Variants in PARP4 observed in about 807,000 individuals in gnomAD.
The protein encoded by PARP4 is protein mono-ADP-ribosyltransferase PARP4.
Under a neutral mutation model 187.7 loss-of-function variants are expected in PARP4, and 120 were observed. The observed-to-expected ratio is 0.64, with a 90% CI of 0.55 to 0.74. The LOEUF (loss-of-function observed/expected upper bound fraction) is 0.74, where lower values mean the gene tolerates loss of function less well. Among genes scored for constraint, PARP4 ranks in the 30% least tolerant of loss-of-function variants. PARP4 has a pLI of 0.00. For missense variants in PARP4, 1,836 were observed against 2,070.5 expected (o/e 0.89, Z 2.20); for synonymous variants, 654 against 740.9 (o/e 0.88, Z 1.90).
intron 12 of PARP4, among the ~76,000 whole-genome samples, chr13:24,482,347 T>C (rs994263659): frequency 2.0e-5 from 3 of 152,224 alleles, no homozygotes; most frequent in Non-Finnish European, 4.4e-5. Context: ...GCAGCAGTGT[T>C]TGAGATAATT....
chr13:24,484,078 T>C (rs974485282), intron 12 of PARP4, among the ~76,000 whole-genome samples: 10 of 152,252 alleles, frequency 6.6e-5, no homozygotes, highest in African/African-American at 2.4e-4. Context: ...GTCTCCATCC[T>C]TTAATTAGCT....
intron 21 of PARP4, 45 bp from the exon 22 acceptor site, chr13:24,455,257 C>T (rs1217659049): frequency 6.9e-7 from 1 of 1,448,342 alleles, no homozygotes; most frequent in Non-Finnish European, 9.4e-7. Context: ...CTTGTCACTT[C>T]AACTGCAAAA....
At chr13:24,501,544 G>C in intron 3 of PARP4, 89 bp downstream of exon 3, 1 of 849,992 alleles carries the variant, frequency 1.2e-6, no homozygotes, top group Non-Finnish European at 1.9e-6. Context: ...AGTATTTCTG[G>C]ACAATTCTCT....
At chr13:24,458,909 CAG>C in intron 20 of PARP4, 133 bp downstream of exon 20, 1 of 671,636 alleles carries the variant, frequency 1.5e-6, no homozygotes, top group Non-Finnish European at 2.7e-6. Flanking sequence ...TGGGGAGAAT[CAG>C]GGGCAGGAGT....
chr13:24,476,840 A>C (rs183340323), intron 14 of PARP4, among the ~76,000 whole-genome samples: 25 of 152,196 alleles, frequency 1.6e-4, no homozygotes, highest in African/African-American at 5.5e-4. Flanking sequence ...CGCACCACAC[A>C]TGGCAATTTA....
chr13:24,481,624 C>T (rs541261667), intron 12 of PARP4, among the ~76,000 whole-genome samples: 8 of 152,226 alleles, frequency 5.3e-5, no homozygotes, highest in Admixed American at 2.0e-4. Context: ...ACCCAGGAGG[C>T]GGAGGTTGCA....
At chr13:24,443,534 C>CTT (rs1459273050) in intron 28 of PARP4, 116 bp downstream of exon 28, 1 of 692,694 alleles carries the variant, frequency 1.4e-6, no homozygotes, top group Non-Finnish European at 2.5e-6. Flanking sequence ...GATGAATGCC[C>CTT]TGACACCAGT....
chr13:24,500,471 T>A, intron 3 of PARP4, 89 bp from the exon 4 acceptor site: 1 of 772,988 alleles, frequency 1.3e-6, no homozygotes, highest in Non-Finnish European at 2.1e-6. Flanking sequence ...TTAAGATTCA[T>A]AAATATATCC....
rs572513022 is a variant in PARP4, at chr13:24,457,574, C to T, written c.2425-1096G>A. On this transcript the variant is annotated intron_variant, in intron 20 of 33. Coordinates refer to ENST00000381989, the MANE Select transcript of PARP4 (RefSeq NM_006437.4). ...ATCACCTGAGGTCAGGAGTTTGAGA[C>T]CAGCCTGGCCAACATGGGAAACCCC... Among the ~76,000 whole-genome samples the T allele has an allele frequency of 2.3e-3, 349 of 152,152 alleles. 1 individual carries two copies. The highest frequency in any genetic ancestry group is 3.2e-3 in the Non-Finnish European group (220 of 67,988).
chr13:24,442,909 G>A (rs1871020441), intron 28 of PARP4, among the ~76,000 whole-genome samples: 1 of 151,918 alleles, frequency 6.6e-6, no homozygotes, highest in Admixed American at 6.6e-5. Context: ...CCGGGCAGTG[G>A]GCTTTCTCAT....
At chr13:24,463,249 G>A (rs1872295920) in intron 17 of PARP4, among the ~76,000 whole-genome samples, 1 of 151,752 alleles carries the variant, frequency 6.6e-6, no homozygotes, top group Admixed American at 6.6e-5. Context: ...ATGCTGAAAG[G>A]AAAACAAATA....
rs1167931369 is a variant in PARP4 at position 24,452,532 on chromosome 13, A to G, written c.2888T>C (p.Leu963Ser). ...GTTCCGTGACCCTCGAGCAGGGTACAATAAGCTAAGATATCGGAGTGTTTT... is the reference window on the plus strand; with the variant it reads ...GTTCCGTGACCCTCGAGCAGGGTACGATAAGCTAAGATATCGGAGTGTTTT... ...FWKTLRYLSL[L>S]YPARGSRNIL... is the part of the protein sequence containing the mutation. Residue 963 changes from leucine to serine, a missense_variant, in exon 24 of 34, where the codon TTG (leucine) becomes TCG (serine). Leu to Ser is a moderately radical substitution (Grantham distance 145). Transcript: ENST00000381989. 6.2e-7 allele frequency: 1 copy of G among 1,614,022 alleles called. No homozygotes were observed. Among genetic ancestry groups the G allele is most frequent in the African/African-American group, 1.3e-5 (1 of 74,938 alleles).
chr13:24,425,589 A>G (rs1244745826), intron 33 of PARP4, among the ~76,000 whole-genome samples: 10 of 118,132 alleles, frequency 8.5e-5, no homozygotes, highest in South Asian at 2.4e-4. Context: ...ATCTATATCT[A>G]TATCTATATC....
intron 9 of PARP4, 41 bp downstream of exon 9, chr13:24,492,380 A>G (rs1391625773): frequency 4.1e-6 from 6 of 1,455,934 alleles, no homozygotes; most frequent in South Asian, 2.5e-5. Context: ...CACCCTCAAC[A>G]TATTTTATAA....
Position 24,501,706 on chromosome 13 carries a change from C to G in PARP4, c.261G>C (p.Leu87Phe). The G allele has an allele frequency of 6.2e-7, 1 of 1,613,194 alleles. No individual in the cohort carries two copies. The highest frequency in any genetic ancestry group is 8.5e-7 in the Non-Finnish European group (1 of 1,179,234). The change falls in exon 3 of 34, where the codon TTG becomes TTC. Residue 87 changes from leucine to phenylalanine, a missense_variant. Leu to Phe is a conservative substitution (Grantham distance 22). Transcript: ENST00000381989. ...TATAAGGATCATAATTCTTTACATC[C>G]AAGAGTCTCTTTTCCCTGATAGATT... ...IWKSIREKRL[L>F]DVKNYDPYKP...
intron 15 of PARP4, 132 bp from the exon 16 acceptor site, chr13:24,470,157 C>G (rs1332164116): frequency 1.3e-6 from 1 of 781,766 alleles, no homozygotes; most frequent in Non-Finnish European, 2.0e-6. Context: ...CTCAAATTCC[C>G]AACCCTGGCT....
chr13:24,458,948 G>A, intron 20 of PARP4, 96 bp downstream of exon 20: 1 of 841,488 alleles, frequency 1.2e-6, no homozygotes, highest in Admixed American at 2.2e-5. Flanking sequence ...AGTTTTGTCA[G>A]CATTATTTCA....
At chr13:24,503,204 G>A (rs1869406257) in intron 2 of PARP4, among the ~76,000 whole-genome samples, 1 of 152,200 alleles carries the variant, frequency 6.6e-6, no homozygotes, top group Non-Finnish European at 1.5e-5. Context: ...GCTACACTGC[G>A]AAGATGAGTC....
At chr13:24,454,890 C>T in intron 22 of PARP4, 127 bp downstream of exon 22, 2 of 688,564 alleles carry the variant, frequency 2.9e-6, no homozygotes, top group Non-Finnish European at 4.6e-6. Flanking sequence ...AGCTCTTGTT[C>T]TTCAATTTCA....
Sources: gnomAD v4.1 joint callset for allele counts (sites outside exome capture counted in the v4.1 genomes callset) on GRCh38, gnomAD v4.1.1 for gene constraint, MANE v1.5 for transcripts, NCBI Gene and HGNC (gene_info 2026-07-23, HGNC 2026-07-21) for gene names.